The following ABCB1 variants were observed in gnomAD, a reference collection of about 807,000 sequenced individuals.
ABCB1 encodes the protein ATP binding cassette subfamily B member 1.
In ABCB1, 69 loss-of-function variants were observed where a neutral mutation model predicts 142.0. The observed-to-expected ratio is 0.49, with a 90% CI of 0.40 to 0.59. The LOEUF (loss-of-function observed/expected upper bound fraction) is 0.59. ABCB1 is among the 20% of genes least tolerant of loss of function. ABCB1 has a pLI of 0.00. For synonymous variants in ABCB1, 532 were observed against 539.2 expected, an observed-to-expected ratio of 0.99 and a Z score of 0.18; for missense variants, 1,326 against 1,554.7, an observed-to-expected ratio of 0.85 and a Z score of 2.47.
chr7:87,531,151 C>T, intron 21 of ABCB1, 143 bp downstream of exon 21: 1 of 746,888 alleles, frequency 1.3e-6, no homozygotes, highest in East Asian at 2.7e-5. Flanking sequence ...TTCTAATTTA[C>T]TGAATAAGCA....
intron 1 of ABCB1, among the ~76,000 whole-genome samples, chr7:87,618,462 C>T (rs1304220614): frequency 2.0e-5 from 3 of 152,138 alleles, no homozygotes; most frequent in Non-Finnish European, 2.9e-5. Context: ...GGTTAATAGT[C>T]GCTTTGAATT....
upstream of ABCB1, among the ~76,000 whole-genome samples, chr7:87,601,251 G>C (rs1013766626): frequency 1.3e-5 from 2 of 152,102 alleles, no homozygotes; most frequent in African/African-American, 4.8e-5. Flanking sequence ...CAAAAACTCC[G>C]ACCTCTCCAA....
intron 1 of ABCB1, among the ~76,000 whole-genome samples, chr7:87,660,634 A>G (rs1824602652): frequency 6.6e-6 from 1 of 151,752 alleles, no homozygotes; most frequent in Admixed American, 6.6e-5. Flanking sequence ...TATGTATATT[A>G]ATGCATTATT....
chr7:87,555,822 A>T (rs1187415337), intron 8 of ABCB1, among the ~76,000 whole-genome samples: 3 of 152,218 alleles, frequency 2.0e-5, no homozygotes, highest in African/African-American at 2.4e-5. Flanking sequence ...ACATAAGAAT[A>T]TATTTAAGGA....
At chr7:87,633,610 G>A (rs751327341) in intron 1 of ABCB1, among the ~76,000 whole-genome samples, 10 of 151,474 alleles carry the variant, frequency 6.6e-5, no homozygotes, top group Non-Finnish European at 1.5e-4. Flanking sequence ...ATTCTGACTT[G>A]CAGATTATAA....
chr7:87,652,366 C>G (rs954778867), intron 1 of ABCB1, among the ~76,000 whole-genome samples: 1 of 152,028 alleles, frequency 6.6e-6, no homozygotes, highest in Non-Finnish European at 1.5e-5. Flanking sequence ...GCGCACTAAT[C>G]TGCCATCTTC....
Position 87,655,747 on chromosome 7 carries a change from G to C in ABCB1, c.-330-54669C>G, listed in dbSNP as rs538378073. 2.0e-5 allele frequency among the ~76,000 whole-genome samples: 3 copies of C among 152,166 alleles called. No homozygotes were observed. In the East Asian group the frequency reaches 5.8e-4, roughly 29 times the overall value. ...AAAATGATAAGTATGTGAGGGCTGT[G>C]GTTTAAATGTGTCCCCTCAAATTCA... On this transcript the variant is annotated intron_variant, in intron 1 of 28. Transcript: ENST00000265724.
chr7:87,626,112 G>GTGTCATATATATTGTCATATATA (rs1820453502), intron 1 of ABCB1, among the ~76,000 whole-genome samples: 1 of 126,652 alleles, frequency 7.9e-6, no homozygotes, highest in Non-Finnish European at 1.7e-5. Context: ...TCATATATAT[G>GTGTCATATATATTGTCATATATA]TGTCATATAT....
chr7:87,585,737 T>C, intron 3 of ABCB1, 57 bp from the exon 4 acceptor site: 1 of 1,577,720 alleles, frequency 6.3e-7, no homozygotes, highest in Non-Finnish European at 8.6e-7. Flanking sequence ...TCATGGAAGA[T>C]TTGCTTTTCC....
chr7:87,527,359 GT>G (rs924673572), intron 21 of ABCB1, among the ~76,000 whole-genome samples: 5 of 152,154 alleles, frequency 3.3e-5, no homozygotes, highest in Non-Finnish European at 7.4e-5. Context: ...AAAGTGCAAG[GT>G]TTTTGCACCT....
At chr7:87,538,017 A>G (rs1816372700) in intron 19 of ABCB1, among the ~76,000 whole-genome samples, 1 of 152,262 alleles carries the variant, frequency 6.6e-6, no homozygotes, top group Non-Finnish European at 1.5e-5. Flanking sequence ...GTGTCTCCAC[A>G]CAGGAATGTA....
intron 9 of ABCB1, among the ~76,000 whole-genome samples, chr7:87,551,362 A>T (rs4728702): frequency 0.62 from 94,135 of 152,162 alleles, 30,342 homozygotes; most frequent in African/African-American, 0.81. Flanking sequence ...TCAAGTGAGG[A>T]GATAGATATG....
rs28381937 is a variant in ABCB1 at position 87,541,711 on chromosome 7, T to G, written c.2212-247A>C. ...CTGTTCGGATTCCCTCTTGGAGTCA[T>G]GAGTGCCACCTCAACTGTGTAAAGT... On this transcript the variant is annotated intron_variant, in intron 17 of 27. Transcript: ENST00000622132. Among the ~76,000 whole-genome samples, 637 of 152,366 alleles carry G rather than the reference T, an allele frequency of 4.2e-3. 3 individuals are homozygous for G. Among genetic ancestry groups the G allele is most frequent in the Middle Eastern group, 0.024 (7 of 294 alleles).
At chr7:87,687,512 C>T (rs1160609785) in intron 1 of ABCB1, among the ~76,000 whole-genome samples, 1 of 152,054 alleles carries the variant, frequency 6.6e-6, no homozygotes, top group Non-Finnish European at 1.5e-5. Context: ...TATTATCTTT[C>T]TTCACCTCCA....
At chr7:87,569,713 G>C (rs979423886) in intron 5 of ABCB1, among the ~76,000 whole-genome samples, 1 of 151,926 alleles carries the variant, frequency 6.6e-6, no homozygotes, top group Non-Finnish European at 1.5e-5. Context: ...TGGGGGACAG[G>C]GTCCTGCTCT....
At chr7:87,554,066 A>C in intron 8 of ABCB1, 134 bp from the exon 9 acceptor site, 1 of 788,576 alleles carries the variant, frequency 1.3e-6, no homozygotes, top group Non-Finnish European at 2.1e-6. Context: ...TCATACATTG[A>C]CCCTATATAG....
chr7:87,578,161 A>G (rs904402473), intron 4 of ABCB1, among the ~76,000 whole-genome samples: 1 of 152,136 alleles, frequency 6.6e-6, no homozygotes, highest in Non-Finnish European at 1.5e-5. Context: ...TCCCACCACC[A>G]TTTTTTGAAG....
rs746152564 is a variant in ABCB1, at chr7:87,531,415, C to T, written c.2564G>A (p.Trp855Ter). 4.3e-6 allele frequency: 7 copies of T among 1,613,456 alleles called. No homozygotes were observed. The highest frequency in any genetic ancestry group is 3.3e-4 in the Middle Eastern group (2 of 6,050). ...TGCTAAGAGTAACAGTGTTAGTTGC[C>T]AACCATAGATGAAGGATATAATTAT... Reference protein sequence around the residue: ...TGIIISFIYGWQLTLLLLAIV... With the variant: ...TGIIISFIYG The change falls in exon 21 of 28, where the codon TGG becomes TAG. Residue 855 changes from tryptophan (W) to a stop codon, truncating the protein, a stop_gained. Transcript: ENST00000622132. LOFTEE classifies it high-confidence loss of function.
At chr7:87,712,584 T>C (rs2130749008) in intron 1 of ABCB1, among the ~76,000 whole-genome samples, 1 of 152,186 alleles carries the variant, frequency 6.6e-6, no homozygotes, top group South Asian at 2.1e-4. Context: ...TGTTTCTTAG[T>C]TTAAATGATT....
Sources: allele counts gnomAD v4.1 joint callset (sites outside exome capture counted in the v4.1 genomes callset), GRCh38; gene constraint gnomAD v4.1.1; transcripts MANE v1.5; gene names NCBI Gene and HGNC (gene_info 2026-07-23, HGNC 2026-07-21).